Variants in DTNB observed in about 807,000 individuals in gnomAD.
DTNB encodes DTN-B.
A neutral mutation model predicts 90.7 loss-of-function variants in DTNB; 63 were observed. The ratio of observed to expected loss-of-function variants is 0.69; its 90% confidence interval spans 0.57 to 0.86. The LOEUF (loss-of-function observed/expected upper bound fraction) is 0.86, where lower values mean the gene tolerates loss of function less well. Among genes scored for constraint, DTNB ranks in the 40% least tolerant of loss-of-function variants. The pLI, the probability that DTNB is intolerant of heterozygous loss-of-function variation, is 0.00. For synonymous variants in DTNB, 277 were observed against 286.7 expected (o/e 0.97, Z 0.34); for missense variants, 744 against 807.1 (o/e 0.92, Z 0.95).
At chr2:25,455,335 C>T in intron 11 of DTNB, 70 bp downstream of exon 11, 8 of 1,435,130 alleles carry the variant, frequency 5.6e-6, no homozygotes, top group Non-Finnish European at 7.5e-6. Flanking sequence ...CAGCTGACAA[C>T]CCCAGGTAGC....
At chr2:25,560,780 T>C (rs2058138976) in intron 8 of DTNB, among the ~76,000 whole-genome samples, 1 of 152,206 alleles carries the variant, frequency 6.6e-6, no homozygotes, top group African/African-American at 2.4e-5. Flanking sequence ...AAAGAGATAC[T>C]TTCCTAGAGC....
At chr2:25,568,915 G>C (rs1352219078) in intron 8 of DTNB, among the ~76,000 whole-genome samples, 1 of 152,328 alleles carries the variant, frequency 6.6e-6, no homozygotes, top group East Asian at 1.9e-4. Context: ...CCACCGCCTG[G>C]GGTGAAAGGC....
At chr2:25,401,320 T>G (rs1162063582) in intron 16 of DTNB, among the ~76,000 whole-genome samples, 4 of 152,192 alleles carry the variant, frequency 2.6e-5, no homozygotes, top group African/African-American at 9.7e-5. Flanking sequence ...ATACAGGGAT[T>G]ATGAAAATCT....
chr2:25,411,467 C>T (rs1324999172), intron 16 of DTNB, among the ~76,000 whole-genome samples: 7 of 152,054 alleles, frequency 4.6e-5, no homozygotes, highest in Non-Finnish European at 1.0e-4. Flanking sequence ...ACGGTGAGTA[C>T]AGGTGCCAAG....
At chr2:25,480,379 C>T (rs918073134) in intron 10 of DTNB, among the ~76,000 whole-genome samples, 2 of 152,154 alleles carry the variant, frequency 1.3e-5, no homozygotes, top group Non-Finnish European at 2.9e-5. Context: ...TAAACACTGA[C>T]TTTAAGATGA....
At chr2:25,421,394 A>T (rs888075665) in intron 15 of DTNB, among the ~76,000 whole-genome samples, 1 of 152,154 alleles carries the variant, frequency 6.6e-6, no homozygotes, top group Non-Finnish European at 1.5e-5. Flanking sequence ...AACTCACAGG[A>T]GCCTAGGCAC....
chr2:25,476,986 T>C (rs936350537), intron 10 of DTNB, among the ~76,000 whole-genome samples: 1 of 152,102 alleles, frequency 6.6e-6, no homozygotes, highest in Non-Finnish European at 1.5e-5. Context: ...GCAAACTTCA[T>C]TGTTGTCTTA....
At chr2:25,519,926 C>T (rs2075842757) in intron 9 of DTNB, among the ~76,000 whole-genome samples, 1 of 152,144 alleles carries the variant, frequency 6.6e-6, no homozygotes, top group African/African-American at 2.4e-5. Context: ...AGTCTCCCAT[C>T]AAAAGAAGAA....
intron 3 of DTNB, among the ~76,000 whole-genome samples, chr2:25,632,280 A>AC (rs1428714560): frequency 2.0e-5 from 3 of 152,086 alleles, no homozygotes; most frequent in Non-Finnish European, 4.4e-5. Flanking sequence ...AATCATATGA[A>AC]CCATGCTCTC....
At chr2:25,567,167 A>T (rs1193843100) in intron 8 of DTNB, among the ~76,000 whole-genome samples, 1 of 152,210 alleles carries the variant, frequency 6.6e-6, no homozygotes, top group Non-Finnish European at 1.5e-5. Flanking sequence ...TTAAAAAAAA[A>T]TTGTCTAGTT....
chr2:25,652,032 GC>G (rs1440573558), intron 2 of DTNB, among the ~76,000 whole-genome samples: 1 of 152,174 alleles, frequency 6.6e-6, no homozygotes, highest in Non-Finnish European at 1.5e-5. Context: ...TAGTCACAGA[GC>G]AAAACAATCC....
At chr2:25,393,053 C>A (rs2041575160) in intron 16 of DTNB, among the ~76,000 whole-genome samples, 1 of 152,152 alleles carries the variant, frequency 6.6e-6, no homozygotes, top group African/African-American at 2.4e-5. Flanking sequence ...AAGTGGGTTT[C>A]ATACCAGGGA....
intron 15 of DTNB, among the ~76,000 whole-genome samples, chr2:25,421,984 T>C (rs2049867689): frequency 6.6e-6 from 1 of 152,150 alleles, no homozygotes; most frequent in South Asian, 2.1e-4. Context: ...AAAGTGTTAT[T>C]TAGGATAGTG....
intron 19 of DTNB, among the ~76,000 whole-genome samples, chr2:25,382,874 C>A (rs540195673): frequency 3.7e-4 from 57 of 152,254 alleles, no homozygotes; most frequent in African/African-American, 1.3e-3. Context: ...TCTCTCTGAG[C>A]CTATTTCCTC....
chr2:25,518,906 G>C (rs146329067), intron 9 of DTNB, among the ~76,000 whole-genome samples: 112 of 152,086 alleles, frequency 7.4e-4, no homozygotes, highest in African/African-American at 2.5e-3. Flanking sequence ...GCCAGAAAGA[G>C]TATCAGATGA....
intron 10 of DTNB, among the ~76,000 whole-genome samples, chr2:25,479,373 A>C (rs1348320787): frequency 6.6e-6 from 1 of 152,194 alleles, no homozygotes; most frequent in African/African-American, 2.4e-5. Context: ...CGGGCCTCCT[A>C]GGAAATTGGA....
At chr2:25,455,999 G>A (rs1388056483) in intron 10 of DTNB, among the ~76,000 whole-genome samples, 1 of 152,180 alleles carries the variant, frequency 6.6e-6, no homozygotes, top group Non-Finnish European at 1.5e-5. Flanking sequence ...TTTAGCATCA[G>A]TCTATTTCTC....
chr2:25,383,957 A>C, intron 18 of DTNB, 68 bp from the exon 19 acceptor site: 2 of 1,611,952 alleles, frequency 1.2e-6, no homozygotes, highest in East Asian at 4.5e-5. Flanking sequence ...GAGGGTGAAC[A>C]AAGCAACTGC....
At chr2:25,456,229 A>G (rs935908437) in intron 10 of DTNB, among the ~76,000 whole-genome samples, 1 of 152,208 alleles carries the variant, frequency 6.6e-6, no homozygotes, top group Admixed American at 6.5e-5. Context: ...GAATGTCAAC[A>G]TTTTGTCAAT....
Sources: allele counts gnomAD v4.1 joint callset (sites outside exome capture counted in the v4.1 genomes callset), GRCh38; gene constraint gnomAD v4.1.1; transcripts MANE v1.5; gene names NCBI Gene and HGNC (gene_info 2026-07-23, HGNC 2026-07-21).